Variants in AMY2A observed in about 807,000 individuals in gnomAD.
AMY2A encodes amylase alpha 2A.
A neutral mutation model predicts 43.0 loss-of-function variants in AMY2A; 16 were observed. The observed-to-expected ratio is 0.37, with a 90% CI of 0.25 to 0.56. AMY2A has a LOEUF of 0.56. AMY2A is among the 20% of genes least tolerant of loss of function. AMY2A has a pLI of 0.77. For missense variants in AMY2A, 212 were observed against 456.8 expected (o/e 0.46, Z 4.89); for synonymous variants, 70 against 144.6 (o/e 0.48, Z 3.70).
Position 103,618,910 on chromosome 1 carries a change from G to C in AMY2A, c.316-1G>C. On this transcript the variant is annotated splice_acceptor_variant, in intron 2 of 9. Coordinates refer to ENST00000414303, the MANE Select transcript of AMY2A (RefSeq NM_000699.4). LOFTEE classifies it high-confidence loss of function. ...ACTGAAGTAGAAACTTTGTTTTCTA[G>C]GTTCGTATTTATGTGGATGCTGTAA... 8.5e-7 allele frequency: 1 copy of C among 1,171,344 alleles called. No individual in the cohort carries two copies. The allele number at this position is 1,171,344 out of a possible 1,614,324, so 72.6% of individuals were successfully genotyped here.
At chr1:103,623,151 A>G (rs1653232647) in intron 7 of AMY2A, among the ~76,000 whole-genome samples, 1 of 103,272 alleles carries the variant, frequency 9.7e-6, no homozygotes, top group African/African-American at 4.0e-5. Context: ...ATAGCAAAAA[A>G]ACCAATATTC....
At position 103,617,496 on chromosome 1, in the gene AMY2A, C is replaced by G; in HGVS notation, c.56C>G (p.Pro19Arg). 1 of 1,600,686 alleles carries G rather than the reference C, an allele frequency of 6.2e-7. No homozygotes were observed. Among genetic ancestry groups the G allele is most frequent in the Non-Finnish European group, 8.5e-7 (1 of 1,170,792 alleles). Residue 19 changes from proline to arginine, a missense_variant, in exon 1 of 10, where the codon CCA (proline) becomes CGA (arginine). Around this residue, in one of 2 missense-constraint regions of AMY2A, gnomAD observed 199 missense variants for 210.6 expected, o/e 0.94. Coordinates refer to ENST00000414303, the MANE Select transcript of AMY2A (RefSeq NM_000699.4). ...GGGTTCTGCTGGGCTCAGTATTCCCCAAATACACAACAAGGACGGACATCT... is the reference window on the plus strand; with the variant it reads ...GGGTTCTGCTGGGCTCAGTATTCCCGAAATACACAACAAGGACGGACATCT... ...TIGFCWAQYS[P>R]NTQQGRTSIV...
intron 2 of AMY2A, 94 bp downstream of exon 2, chr1:103,618,194 T>A (rs912325014): frequency 6.7e-7 from 1 of 1,489,798 alleles, no homozygotes; most frequent in Non-Finnish European, 9.0e-7. Context: ...ATTTTCCGTA[T>A]TTTATTTTTT....
Position 103,618,115 on chromosome 1 carries a change from G to C in AMY2A, c.315+15G>C. 1 of 1,590,552 alleles carries C rather than the reference G, an allele frequency of 6.3e-7. No homozygotes were observed. Among genetic ancestry groups the C allele is most frequent in the Non-Finnish European group, 8.6e-7 (1 of 1,163,826 alleles). On this transcript the variant is annotated intron_variant, in intron 2 of 9. Coordinates refer to ENST00000414303, the MANE Select transcript of AMY2A (RefSeq NM_000699.4). ...ACAATGTTGGGGTAAGTGAATTCTA[G>C]TTTCCTTTAAAAATAACAGACAGGA... is the stretch of plus-strand genomic sequence containing the variant.
intron 9 of AMY2A, 92 bp downstream of exon 9, chr1:103,624,313 G>GA: frequency 1.8e-6 from 1 of 555,990 alleles, no homozygotes; most frequent in Admixed American, 5.0e-5. Context: ...TATCATATCT[G>GA]AAAAATCATG....
upstream of AMY2A, chr1:103,616,854 G>A (rs577781728): frequency 5.6e-6 from 2 of 358,138 alleles, no homozygotes; most frequent in East Asian, 3.0e-4. Context: ...GATCTGTACA[G>A]GGTATTAATG....
intron 2 of AMY2A, 101 bp downstream of exon 2, chr1:103,618,201 T>A: frequency 6.8e-7 from 1 of 1,479,716 alleles, no homozygotes; most frequent in South Asian, 1.4e-5. Flanking sequence ...GTATTTTATT[T>A]TTTTAATTTT....
chr1:103,618,227 ACT>A, intron 2 of AMY2A, 127 bp downstream of exon 2: 1 of 1,397,364 alleles, frequency 7.2e-7, no homozygotes, highest in South Asian at 1.5e-5. Flanking sequence ...ATAATTTAAA[ACT>A]CAAAATTAAC....
chr1:103,617,847 C>A (rs1199534004), intron 1 of AMY2A, 107 bp from the exon 2 acceptor site: 27 of 1,565,916 alleles, frequency 1.7e-5, no homozygotes, highest in East Asian at 6.7e-5. Context: ...AGATAGCTGC[C>A]TATACCAAGA....
At position 103,618,000 on chromosome 1, in the gene AMY2A, C is replaced by G. The variant is rs1353319799; in HGVS notation, c.215C>G (p.Pro72Arg). The G allele has an allele frequency of 6.2e-7, 1 of 1,600,432 alleles. No individual in the cohort carries two copies. The highest frequency in any genetic ancestry group is 8.5e-7 in the Non-Finnish European group (1 of 1,170,690). The change falls in exon 2 of 10, where the codon CCT becomes CGT. Residue 72 changes from proline (P) to arginine (R), a missense_variant. This residue lies in a region of AMY2A where 199 missense variants were observed against 210.6 expected (regional missense o/e 0.94). Transcript: ENST00000414303. The stretch of plus-strand genomic sequence containing the variant: ...GTTGCAATTTACAACCCTTTCAGAC[C>G]TTGGTGGGAAAGATACCAACCAGTT... ...ENVAIYNPFR[P>R]WWERYQPVSY...
At chr1:103,618,491 C>A (rs1218197345) in intron 2 of AMY2A, among the ~76,000 whole-genome samples, 1 of 150,682 alleles carries the variant, frequency 6.6e-6, no homozygotes, top group African/African-American at 2.4e-5. Flanking sequence ...GCTAGCTTCT[C>A]TATTTAATGA....
chr1:103,617,762 G>T lies in AMY2A; in HGVS notation c.168+154G>T, dbSNP rs374180454. 1.1e-3 allele frequency among the ~76,000 whole-genome samples: 159 copies of T among 150,634 alleles called. 8 individuals are homozygous for T. The South Asian group carries it at 0.032, about 30-fold the overall frequency. On this transcript the variant is annotated intron_variant, in intron 1 of 9. Coordinates refer to ENST00000414303, the MANE Select transcript of AMY2A (RefSeq NM_000699.4). ...GAGGGAAAATCTATGTAGTATTCTTGGCAACTTTATATTTTGTTTCTGAGA... is the reference window on the plus strand; with the variant it reads ...GAGGGAAAATCTATGTAGTATTCTTTGCAACTTTATATTTTGTTTCTGAGA...
chr1:103,618,600 AT>A (rs1308571654), intron 2 of AMY2A, among the ~76,000 whole-genome samples: 1 of 150,612 alleles, frequency 6.6e-6, no homozygotes, highest in Admixed American at 6.6e-5. Context: ...TTCCAAAACA[AT>A]AACCTTTCCA....
intron 7 of AMY2A, among the ~76,000 whole-genome samples, chr1:103,623,290 T>G (rs372517445): frequency 2.2e-5 from 3 of 136,260 alleles, no homozygotes; most frequent in Non-Finnish European, 3.2e-5. Flanking sequence ...CCCATTTCAA[T>G]GACATTGCAT....
intron 7 of AMY2A, among the ~76,000 whole-genome samples, chr1:103,623,368 C>T (rs1296422205): frequency 8.0e-6 from 1 of 125,546 alleles, no homozygotes; most frequent in African/African-American, 3.3e-5. Flanking sequence ...ATCCCAGCAC[C>T]TAGTGAGGCG....
upstream of AMY2A, chr1:103,617,006 G>C (rs1653094090): frequency 9.7e-7 from 1 of 1,036,250 alleles, no homozygotes; most frequent in Non-Finnish European, 1.2e-6. Flanking sequence ...TTATCTACCA[G>C]AGCACCGTGG....
Position 103,617,929 on chromosome 1 carries a change from C to G in AMY2A, c.169-25C>G, listed in dbSNP as rs371190351. The G allele has an allele frequency of 2.3e-4, 363 of 1,600,088 alleles. 18 individuals carry two copies. The highest frequency in any genetic ancestry group is 1.8e-3 in the Middle Eastern group (8 of 4,414). ...ATACACAGTAAGACAGAATTTGGTA[C>G]TTATGAAGACTGTTTAATTTGTAGG... On this transcript the variant is annotated intron_variant, in intron 1 of 9. Coordinates refer to ENST00000414303, the MANE Select transcript of AMY2A (RefSeq NM_000699.4).
Position 103,618,193 on chromosome 1 carries a change from A to T in AMY2A, c.315+93A>T. 5 of 1,500,488 alleles carry T rather than the reference A, an allele frequency of 3.3e-6. 1 individual carries two copies. Among genetic ancestry groups the T allele is most frequent in the Non-Finnish European group, 4.5e-6 (5 of 1,120,052 alleles). 92.9% of individuals were successfully genotyped at this position (1,500,488 alleles called of 1,614,324 possible). ...TCCTTTTCAGCAGAAAATTTTCCGT[A>T]TTTTATTTTTTTAATTTTACTTCAT... is the stretch of plus-strand genomic sequence containing the variant. On this transcript the variant is annotated intron_variant, in intron 2 of 9. Coordinates refer to ENST00000414303, the MANE Select transcript of AMY2A (RefSeq NM_000699.4).
rs148899909 is a variant in AMY2A, at chr1:103,617,636, G to A, written c.168+28G>A. ...GGGTATGATTCATAGTATCAATTGC[G>A]GAATTCACTGTGCTTGTAGGAAATA... On this transcript the variant is annotated intron_variant, in intron 1 of 9. Coordinates refer to ENST00000414303, the MANE Select transcript of AMY2A (RefSeq NM_000699.4). 1.3e-3 allele frequency: 2,017 copies of A among 1,600,544 alleles called. 9 individuals are homozygous for A. In the South Asian group the frequency reaches 0.016, roughly 12 times the overall value.
Sources: gnomAD v4.1 joint callset for allele counts (sites outside exome capture counted in the v4.1 genomes callset) on GRCh38, gnomAD v4.1.1 for gene constraint, gnomAD v4.1.1 regional missense constraint, MANE v1.5 for transcripts, NCBI Gene and HGNC (gene_info 2026-07-23, HGNC 2026-07-21) for gene names.